Variants in DGKI observed in about 807,000 individuals in gnomAD.
DGKI encodes the protein diacylglycerol kinase iota.
A neutral mutation model predicts 147.5 loss-of-function variants in DGKI; 55 were observed. The observed-to-expected ratio is 0.37, with a 90% confidence interval of 0.30 to 0.47. The LOEUF is 0.47. Among genes scored for constraint, DGKI ranks in the 20% least tolerant of loss-of-function variants. The probability of loss-of-function intolerance (pLI) is 1.00; values close to 1 mark genes in which losing one functional copy is unlikely to be tolerated. For synonymous variants in DGKI, 469 were observed against 477.1 expected, an observed-to-expected ratio of 0.98 and a Z score of 0.22; for missense variants, 1,007 against 1,323.8, an observed-to-expected ratio of 0.76 and a Z score of 3.71.
At chr7:137,601,096 C>A (rs920174699) in intron 10 of DGKI, among the ~76,000 whole-genome samples, 3 of 151,588 alleles carry the variant, frequency 2.0e-5, no homozygotes, top group African/African-American at 7.3e-5. Context: ...ACAGTGAAAC[C>A]CCGTCTCTAC....
At chr7:137,730,146 G>GGCC (rs1794832595) in intron 1 of DGKI, among the ~76,000 whole-genome samples, 1 of 151,970 alleles carries the variant, frequency 6.6e-6, no homozygotes, top group Non-Finnish European at 1.5e-5. Flanking sequence ...AGCTCTAATA[G>GGCC]GCCGCCTACA....
intron 1 of DGKI, among the ~76,000 whole-genome samples, chr7:137,829,181 A>G (rs1265302420): frequency 6.6e-6 from 1 of 152,260 alleles, no homozygotes; most frequent in Non-Finnish European, 1.5e-5. Flanking sequence ...TGCAGTTTGC[A>G]AAGGAAAGAG....
chr7:137,675,078 C>T (rs940812569), intron 3 of DGKI, among the ~76,000 whole-genome samples: 3 of 152,128 alleles, frequency 2.0e-5, no homozygotes, highest in Non-Finnish European at 4.4e-5. Flanking sequence ...ACATGATCTG[C>T]TTATGCATAC....
intron 10 of DGKI, among the ~76,000 whole-genome samples, chr7:137,608,120 A>G (rs1563109580): frequency 6.6e-6 from 1 of 152,202 alleles, no homozygotes; most frequent in Non-Finnish European, 1.5e-5. Flanking sequence ...CCTTCCTTAT[A>G]TGGGATGACT....
intron 1 of DGKI, among the ~76,000 whole-genome samples, chr7:137,795,680 T>C (rs575299042): frequency 1.3e-5 from 2 of 152,304 alleles, no homozygotes; most frequent in African/African-American, 4.8e-5. Flanking sequence ...GCTGTGAGTA[T>C]TCCCAGGAAG....
rs1234973524 is a variant in DGKI at position 137,620,017 on chromosome 7, A to ACG, written c.877-79_877-78dup. The stretch of plus-strand genomic sequence containing the variant: ...AGCAAGAAGGGATAAATATGTACAC[A>ACG]CGCACACACACACACACACACACAC... On this transcript the variant is annotated intron_variant, in intron 7 of 32. Coordinates refer to ENST00000614521, the MANE Select transcript of DGKI (RefSeq NM_001321708.2). The ACG allele has an allele frequency of 4.0e-4, 272 of 679,254 alleles. 1 individual carries two copies. Among genetic ancestry groups the ACG allele is most frequent in the South Asian group, 2.6e-3 (164 of 63,600 alleles). The allele number at this position is 679,254 out of a possible 1,614,324, so 42.1% of individuals were successfully genotyped here.
intron 28 of DGKI, among the ~76,000 whole-genome samples, chr7:137,420,448 G>T (rs1812521894): frequency 6.6e-6 from 1 of 152,268 alleles, no homozygotes; most frequent in African/African-American, 2.4e-5. Flanking sequence ...TGAGTCGGAG[G>T]GCTGGTGTTG....
chr7:137,680,786 A>G (rs1339598575), intron 2 of DGKI, among the ~76,000 whole-genome samples: 2 of 152,166 alleles, frequency 1.3e-5, no homozygotes, highest in African/African-American at 2.4e-5. Flanking sequence ...GACTCAAAAG[A>G]AAAGAGAAAA....
intron 24 of DGKI, among the ~76,000 whole-genome samples, chr7:137,467,332 G>C (rs1429570588): frequency 1.3e-5 from 2 of 152,146 alleles, no homozygotes; most frequent in African/African-American, 4.8e-5. Context: ...GAGACTAAGA[G>C]ACCTGCCTCT....
chr7:137,717,265 G>T (rs184780530), intron 1 of DGKI, among the ~76,000 whole-genome samples: 9 of 152,258 alleles, frequency 5.9e-5, no homozygotes, highest in African/African-American at 2.2e-4. Flanking sequence ...TTATTTAGTC[G>T]TGAGAAGAAA....
At chr7:137,534,197 T>C (rs567965521) in intron 20 of DGKI, among the ~76,000 whole-genome samples, 1 of 152,218 alleles carries the variant, frequency 6.6e-6, no homozygotes, top group South Asian at 2.1e-4. Flanking sequence ...CTAGGTTTCT[T>C]TGTTGATATG....
chr7:137,466,900 A>G lies in DGKI; in HGVS notation c.2484+2T>C. On this transcript the variant is annotated splice_donor_variant, in intron 25 of 32. Transcript: ENST00000614521. LOFTEE classifies it high-confidence loss of function. ...TCACAAGCAGGCTGGAAAAAAACTT[A>G]CCTGAGATCTGTCTATTCGATAAAA... is the stretch of plus-strand genomic sequence containing the variant. 6.2e-7 allele frequency: 1 copy of G among 1,614,114 alleles called. No individual in the cohort carries two copies. The highest frequency in any genetic ancestry group is 8.5e-7 in the Non-Finnish European group (1 of 1,179,992).
intron 3 of DGKI, among the ~76,000 whole-genome samples, chr7:137,659,856 C>G (rs1048477038): frequency 6.6e-6 from 1 of 152,134 alleles, no homozygotes; most frequent in Non-Finnish European, 1.5e-5. Context: ...CGGCGTGAAC[C>G]CGGGAGGCAG....
intron 27 of DGKI, among the ~76,000 whole-genome samples, chr7:137,453,671 G>A (rs1814066413): frequency 6.6e-6 from 1 of 152,102 alleles, no homozygotes; most frequent in African/African-American, 2.4e-5. Flanking sequence ...AGCCTCAAAG[G>A]TAACATTCAT....
At chr7:137,529,104 T>A (rs1162635277) in intron 20 of DGKI, among the ~76,000 whole-genome samples, 1 of 152,220 alleles carries the variant, frequency 6.6e-6, no homozygotes, top group Non-Finnish European at 1.5e-5. Context: ...AAATTATTTT[T>A]TAAATTTTCT....
chr7:137,741,953 T>G, intron 1 of DGKI, among the ~76,000 whole-genome samples: 1 of 152,158 alleles, frequency 6.6e-6, no homozygotes, highest in Non-Finnish European at 1.5e-5. Context: ...TTAAAAAAAT[T>G]CCTGTCAAAA....
chr7:137,612,221 CTTTT>C lies in DGKI; in HGVS notation c.994-2616_994-2613del, dbSNP rs551204704. Among the ~76,000 whole-genome samples the C allele has an allele frequency of 3.5e-5, 4 of 113,948 alleles. No homozygotes were observed. The South Asian group carries it at 8.8e-4, about 25-fold the overall frequency. 74.8% of individuals were successfully genotyped at this position (113,948 alleles called of 152,430 possible). The stretch of plus-strand genomic sequence containing the variant: ...ATAGGGAACAGACACACAAAACGGG[CTTTT>C]TTTTTTTTTTTTTTTTTGTAACACA... On this transcript the variant is annotated intron_variant, in intron 8 of 32. Coordinates refer to ENST00000614521, the MANE Select transcript of DGKI (RefSeq NM_001321708.2).
intron 12 of DGKI, among the ~76,000 whole-genome samples, chr7:137,588,067 C>T (rs888918104): frequency 6.6e-6 from 1 of 152,162 alleles, no homozygotes; most frequent in East Asian, 1.9e-4. Flanking sequence ...TGTAGGTTAA[C>T]ATAGATTTCT....
At chr7:137,805,285 T>C (rs141900786) in intron 1 of DGKI, among the ~76,000 whole-genome samples, 337 of 152,310 alleles carry the variant, frequency 2.2e-3, no homozygotes, top group Admixed American at 7.7e-3. Flanking sequence ...GACATCTCCA[T>C]TGAGCATGAC....
Sources: gnomAD v4.1 joint callset for allele counts (sites outside exome capture counted in the v4.1 genomes callset) on GRCh38, gnomAD v4.1.1 for gene constraint, MANE v1.5 for transcripts, NCBI Gene and HGNC (gene_info 2026-07-23, HGNC 2026-07-21) for gene names.